MTOR: variants seen among roughly 807,000 people sequenced by gnomAD.
MTOR encodes mechanistic target of rapamycin kinase, also known as serine/threonine-protein kinase mTOR.
Under a neutral mutation model 319.8 loss-of-function variants are expected in MTOR, and 70 were observed. The ratio of observed to expected loss-of-function variants is 0.22; its 90% CI spans 0.18 to 0.27. The LOEUF is 0.27. Ranked by LOEUF, MTOR falls within the 10% of genes least tolerant of loss-of-function variation. The pLI, the probability that MTOR is intolerant of heterozygous loss-of-function variation, is 1.00. For missense variants in MTOR, 1,890 were observed against 3,274.4 expected (o/e 0.58, Z 10.32); for synonymous variants, 1,183 against 1,211.4 (o/e 0.98, Z 0.49).
chr1:11,210,376 C>G (rs1646270156), intron 24 of MTOR, among the ~76,000 whole-genome samples: 1 of 152,194 alleles, frequency 6.6e-6, no homozygotes, highest in South Asian at 2.1e-4. Context: ...TCTCAAACTC[C>G]TGGGCTCAAG....
In MTOR at chr1:11,209,410, G is replaced by A. The variant is rs2100782176; in HGVS notation, c.3703C>T (p.Arg1235Trp). Residue 1235 changes from arginine (R) to tryptophan (W), a missense_variant, in exon 25 of 58, where the codon CGG (arginine) becomes TGG (tryptophan). By Grantham distance (101) the Arg-to-Trp change is moderately radical. This residue lies in a region of MTOR where 115 missense variants were observed against 105.7 expected (regional missense o/e 1.09). Transcript: ENST00000361445. ...EEEDPLIYQH[R>W]MLRSGQGDAL... ...TCCCCTTGGCCACTCCTAAGCATCC[G>A]ATGCTGGTAAATCAAAGGATCCTCC... 1.9e-6 allele frequency: 3 copies of A among 1,614,144 alleles called. No individual in the cohort carries two copies. The highest frequency in any genetic ancestry group is 2.5e-6 in the Non-Finnish European group (3 of 1,180,020).
chr1:11,139,813 TC>T (rs1389469664), intron 34 of MTOR, among the ~76,000 whole-genome samples, 155 bp from the exon 35 acceptor site: 1 of 152,188 alleles, frequency 6.6e-6, no homozygotes, highest in Admixed American at 6.5e-5. Context: ...TGCCTCAGCC[TC>T]CCGAGTAGCG....
chr1:11,233,707 A>C (rs1442471473), intron 14 of MTOR, among the ~76,000 whole-genome samples: 1 of 152,228 alleles, frequency 6.6e-6, no homozygotes, highest in Non-Finnish European at 1.5e-5. Flanking sequence ...CATAATGTGA[A>C]AGTATTTCTC....
Position 11,210,760 on chromosome 1 carries a change from T to C in MTOR, c.3654+54A>G, listed in dbSNP as rs1303468090. 8 of 1,319,484 alleles carry C rather than the reference T, an allele frequency of 6.1e-6. No individual in the cohort carries two copies. In the Admixed American group the frequency reaches 6.2e-5, roughly 10 times the overall value. The allele number at this position is 1,319,484 out of a possible 1,614,324, so 81.7% of individuals were successfully genotyped here. ...ACTCCCATAGCCAAGATTACAAGAA[T>C]ATCAAGTAGTAAAGACAACAGGGAC... is the stretch of plus-strand genomic sequence containing the variant. On this transcript the variant is annotated intron_variant, in intron 24 of 57. Coordinates refer to ENST00000361445, the MANE Select transcript of MTOR (RefSeq NM_004958.4).
chr1:11,172,994 TTTTC>T (rs1376088655), intron 28 of MTOR, among the ~76,000 whole-genome samples: 2 of 151,882 alleles, frequency 1.3e-5, no homozygotes, highest in East Asian at 3.9e-4. Flanking sequence ...ATCCACTCTC[TTTTC>T]TTTTTTTTTT....
At chr1:11,110,920 T>A (rs757237956) in intron 54 of MTOR, among the ~76,000 whole-genome samples, 57 of 152,168 alleles carry the variant, frequency 3.7e-4, no homozygotes, top group Non-Finnish European at 6.3e-4. Flanking sequence ...TTCTGTATGC[T>A]ACAGACAGCA....
chr1:11,168,989 A>G (rs1250310274), intron 28 of MTOR, among the ~76,000 whole-genome samples: 1 of 152,270 alleles, frequency 6.6e-6, no homozygotes, highest in African/African-American at 2.4e-5. Flanking sequence ...CTGGGAGTCT[A>G]GACTGGTTTA....
intron 32 of MTOR, chr1:11,145,333 G>C: frequency 2.4e-6 from 1 of 418,710 alleles, no homozygotes; most frequent in Non-Finnish European, 4.3e-6. Flanking sequence ...CTGTAAAACC[G>C]AATCATGGGT....
chr1:11,219,380 A>G (rs186028790), intron 19 of MTOR, among the ~76,000 whole-genome samples: 6 of 152,284 alleles, frequency 3.9e-5, no homozygotes, highest in Admixed American at 3.9e-4. Context: ...GCCTCCCCTA[A>G]GAGTTCATAA....
At chr1:11,214,311 C>T (rs542620400) in intron 20 of MTOR, among the ~76,000 whole-genome samples, 1 of 152,352 alleles carries the variant, frequency 6.6e-6, no homozygotes, top group African/African-American at 2.4e-5. Context: ...TTTCTACACC[C>T]ACATGGTTAT....
At chr1:11,255,849 A>C in intron 5 of MTOR, 143 bp downstream of exon 5, 2 of 713,560 alleles carry the variant, frequency 2.8e-6, no homozygotes, top group South Asian at 2.6e-5. Context: ...TCCATCACAA[A>C]AAAAAAAAAA....
At chr1:11,190,589 C>T (rs888383119) in intron 28 of MTOR, among the ~76,000 whole-genome samples, 1 of 152,126 alleles carries the variant, frequency 6.6e-6, no homozygotes, top group African/African-American at 2.4e-5. Flanking sequence ...TCTCCGAATA[C>T]AGGATTTTTT....
At position 11,231,375 on chromosome 1, in the gene MTOR, G is replaced by A; in HGVS notation, c.2574C>T (p.Tyr858=). 2 of 1,614,168 alleles carry A rather than the reference G, an allele frequency of 1.2e-6. No individual in the cohort carries two copies. The highest frequency in any genetic ancestry group is 1.7e-5 in the Admixed American group (1 of 60,026). ...CCTCAAGCAAAGTAGGGTACTTCCT[G>A]TAGGGCTCTACTACATAGCCAGTGC... The part of the protein sequence containing the change: ...VASTGYVVEP[Y]RKYPTLLEVL... The change falls in exon 17 of 58, where the codon TAC becomes TAT. Residue 858 remains tyrosine, a synonymous_variant. Coordinates refer to ENST00000361445, the MANE Select transcript of MTOR (RefSeq NM_004958.4).
chr1:11,233,547 T>C, intron 14 of MTOR, 60 bp from the exon 15 acceptor site: 1 of 1,341,252 alleles, frequency 7.5e-7, no homozygotes, highest in African/African-American at 1.5e-5. Flanking sequence ...AACCTTTCTT[T>C]TATATAAGTA....
rs1280393885 is a variant in MTOR, at chr1:11,115,676, T to TGGA, written c.7017-209_7017-208insTCC. ...GTACTGTTCCAGGCTGCTTCCATGC[T>TGGA]ACGACAGCAGAGCTGACTAGTTGTG... On this transcript the variant is annotated intron_variant, in intron 50 of 57. Transcript: ENST00000361445. This position sits in a 1 kb window ranked among gnomAD's most constrained non-coding sequence, Gnocchi z 4.5. 3.8e-6 allele frequency: 2 copies of TGGA among 532,864 alleles called. No individual in the cohort carries two copies. The highest frequency in any genetic ancestry group is 6.8e-6 in the Non-Finnish European group (2 of 292,850). 33.0% of individuals were successfully genotyped at this position (532,864 alleles called of 1,614,324 possible). A position where few individuals can be genotyped will look rare whatever the true frequency, so the allele number is the denominator to read the frequency against.
chr1:11,120,309 T>C (rs1190842939), intron 49 of MTOR, among the ~76,000 whole-genome samples: 3 of 151,736 alleles, frequency 2.0e-5, no homozygotes, highest in African/African-American at 7.3e-5. Context: ...GAGGCCAAGG[T>C]GGGTGGATCA....
At chr1:11,194,180 G>C (rs1645679860) in intron 28 of MTOR, among the ~76,000 whole-genome samples, 1 of 152,138 alleles carries the variant, frequency 6.6e-6, no homozygotes, top group African/African-American at 2.4e-5. Context: ...CTCTGTGTGG[G>C]ATTCAGCAAA....
Position 11,257,035 on chromosome 1 carries a change from G to C in MTOR, c.402C>G (p.Ala134=), listed in dbSNP as rs1359089231. 6.2e-7 allele frequency: 1 copy of C among 1,614,146 alleles called. No individual in the cohort carries two copies. Among genetic ancestry groups the C allele is most frequent in the East Asian group, 2.2e-5 (1 of 44,878 alleles). The change falls in exon 4 of 58, where the codon GCC becomes GCG. Residue 134 remains alanine, a synonymous_variant. Transcript: ENST00000361445. ...CAGCGGTAAAAGTGTCCCCTGCCAT[G>C]GCAAGACGGCCAATGGCCTTGGATG... ...EMASKAIGRL[A]MAGDTFTAEY...
At chr1:11,225,212 A>C (rs1375982223) in intron 19 of MTOR, among the ~76,000 whole-genome samples, 2 of 152,080 alleles carry the variant, frequency 1.3e-5, no homozygotes, top group Admixed American at 6.6e-5. Context: ...TAAATAAATA[A>C]ATTTTTTATT....
Sources: gnomAD v4.1 joint callset for allele counts (sites outside exome capture counted in the v4.1 genomes callset) on GRCh38, gnomAD v4.1.1 for gene constraint, gnomAD v4.1.1 regional missense constraint, Gnocchi (gnomAD v3.1) non-coding constraint, MANE v1.5 for transcripts, NCBI Gene and HGNC (gene_info 2026-07-23, HGNC 2026-07-21) for gene names.